Variants in LAMA2 observed in about 807,000 individuals in gnomAD.
LAMA2 encodes the protein laminin subunit alpha-2.
Under a neutral mutation model 364.8 loss-of-function variants are expected in LAMA2, and 269 were observed. The ratio of observed to expected loss-of-function variants is 0.74; its 90% CI spans 0.67 to 0.82. The LOEUF (loss-of-function observed/expected upper bound fraction) is 0.82, where lower values mean the gene tolerates loss of function less well. Ranked by LOEUF, LAMA2 falls within the 40% of genes least tolerant of loss-of-function variation. The pLI, the probability that LAMA2 is intolerant of heterozygous loss-of-function variation, is 0.00. For missense variants in LAMA2, 3,807 were observed against 3,873.2 expected, an observed-to-expected ratio of 0.98 and a Z score of 0.45; for synonymous variants, 1,379 against 1,370.6, an observed-to-expected ratio of 1.01 and a Z score of -0.14.
At chr6:129,024,019 A>G (rs1467793693) in intron 1 of LAMA2, among the ~76,000 whole-genome samples, 1 of 152,168 alleles carries the variant, frequency 6.6e-6, no homozygotes, top group African/African-American at 2.4e-5. Flanking sequence ...TGACCAAATG[A>G]TTACTGAGAC....
At chr6:129,497,039 C>T (rs1192699690) in intron 58 of LAMA2, among the ~76,000 whole-genome samples, 1 of 151,968 alleles carries the variant, frequency 6.6e-6, no homozygotes, top group Non-Finnish European at 1.5e-5. Flanking sequence ...CTTAATTATT[C>T]TAGTTAGTTT....
At chr6:129,313,942 T>TA (rs1774390295) in intron 23 of LAMA2, among the ~76,000 whole-genome samples, 1 of 152,242 alleles carries the variant, frequency 6.6e-6, no homozygotes, top group South Asian at 2.1e-4. Context: ...GTATATATAT[T>TA]ACAATAATTA....
At position 129,464,205 on chromosome 6, in the gene LAMA2, A is replaced by G. The variant is rs1038824982; in HGVS notation, c.6993-85A>G. 5.1e-6 allele frequency: 6 copies of G among 1,165,270 alleles called. No individual in the cohort carries two copies. In the African/African-American group the frequency reaches 7.6e-5, roughly 15 times the overall value. 72.2% of individuals were successfully genotyped at this position (1,165,270 alleles called of 1,614,324 possible). ...TATTTCCTGCCCTACAACAGCCTAT[A>G]GTCTCATTGCTATTCAGTGATGCAT... On this transcript the variant is annotated intron_variant, in intron 49 of 64. Coordinates refer to ENST00000421865, the MANE Select transcript of LAMA2 (RefSeq NM_000426.4).
Position 129,486,760 on chromosome 6 carries a change from C to T in LAMA2, c.7898+138C>T. On this transcript the variant is annotated intron_variant, in intron 56 of 64. Coordinates refer to ENST00000421865, the MANE Select transcript of LAMA2 (RefSeq NM_000426.4). ...TGCAAAAGGATACCGTAGCTTAATTCCCTCTTCTTTACTTTTCATACTTCG... is the reference window on the plus strand; with the variant it reads ...TGCAAAAGGATACCGTAGCTTAATTTCCTCTTCTTTACTTTTCATACTTCG... 1.3e-5 allele frequency: 11 copies of T among 829,466 alleles called. No homozygotes were observed. The South Asian group carries it at 1.6e-4, about 12-fold the overall frequency. 51.4% of individuals were successfully genotyped at this position (829,466 alleles called of 1,614,324 possible).
At chr6:129,168,850 G>A in intron 9 of LAMA2, among the ~76,000 whole-genome samples, 1 of 143,536 alleles carries the variant, frequency 7.0e-6, no homozygotes, top group Non-Finnish European at 1.5e-5. Flanking sequence ...TTGAGCAGTG[G>A]TTTGTAGTTC....
intron 58 of LAMA2, 69 bp downstream of exon 58, chr6:129,492,552 G>C (rs146097890): frequency 2.2e-6 from 3 of 1,342,976 alleles, no homozygotes; most frequent in African/African-American, 1.4e-5. Context: ...TCAGAAGGAA[G>C]ATTATTCAGG....
intron 2 of LAMA2, among the ~76,000 whole-genome samples, chr6:129,058,895 T>C (rs1034566387): frequency 1.3e-5 from 2 of 152,274 alleles, no homozygotes; most frequent in African/African-American, 4.8e-5. Context: ...GGGGAAAATA[T>C]GGCAATTTGG....
chr6:129,349,991 T>A (rs553195391), intron 31 of LAMA2, among the ~76,000 whole-genome samples: 25 of 152,316 alleles, frequency 1.6e-4, no homozygotes, highest in Middle Eastern at 6.8e-3. Flanking sequence ...ATACAGCTGT[T>A]AAATTGAATT....
intron 4 of LAMA2, among the ~76,000 whole-genome samples, chr6:129,115,176 A>G (rs568240289): frequency 2.0e-5 from 3 of 152,218 alleles, no homozygotes; most frequent in African/African-American, 7.2e-5. Flanking sequence ...TGCATTAATT[A>G]CTCAAGCCAG....
chr6:128,946,542 G>A (rs1217697733), intron 1 of LAMA2, among the ~76,000 whole-genome samples: 1 of 152,076 alleles, frequency 6.6e-6, no homozygotes, highest in East Asian at 1.9e-4. Context: ...TATTGCTTTG[G>A]CACTATCACA....
intron 29 of LAMA2, among the ~76,000 whole-genome samples, chr6:129,340,051 G>A (rs1776174927): frequency 2.0e-5 from 3 of 151,684 alleles, no homozygotes; most frequent in African/African-American, 7.3e-5. Context: ...CATGGGAAGA[G>A]AGTATCCAGA....
chr6:129,177,890 T>A (rs1780705111), intron 10 of LAMA2, 24 bp downstream of exon 10: 2 of 1,609,576 alleles, frequency 1.2e-6, no homozygotes, highest in Non-Finnish European at 8.5e-7. Flanking sequence ...TCCAGTAATG[T>A]CCCACTGTCA....
At chr6:129,441,622 A>C (rs1782119271) in intron 43 of LAMA2, among the ~76,000 whole-genome samples, 1 of 152,126 alleles carries the variant, frequency 6.6e-6, no homozygotes, top group Non-Finnish European at 1.5e-5. Context: ...TTATATTATT[A>C]GTTAAATATA....
At chr6:129,486,324 G>C (rs1386388184) in intron 55 of LAMA2, 150 bp from the exon 56 acceptor site, 1 of 744,530 alleles carries the variant, frequency 1.3e-6, no homozygotes, top group Non-Finnish European at 2.3e-6. Context: ...GATATTTCCA[G>C]CTGTTTTCAA....
At chr6:129,032,568 T>C (rs1309430730) in intron 1 of LAMA2, among the ~76,000 whole-genome samples, 1 of 152,192 alleles carries the variant, frequency 6.6e-6, no homozygotes, top group African/African-American at 2.4e-5. Context: ...GATAATCATT[T>C]TGAATTTTAA....
At chr6:129,327,671 G>T (rs12206166) in intron 28 of LAMA2, among the ~76,000 whole-genome samples, 21,686 of 152,094 alleles carry the variant, frequency 0.14, 2,023 homozygotes, top group East Asian at 0.44. Flanking sequence ...GCATATGTCA[G>T]CTTCACTAGA....
chr6:129,051,676 A>G (rs1251308530), intron 2 of LAMA2, among the ~76,000 whole-genome samples: 1 of 39,334 alleles, frequency 2.5e-5, no homozygotes, highest in African/African-American at 2.1e-4. Flanking sequence ...ATCGATCTAT[A>G]GATATCTATA....
chr6:129,481,324 A>G lies in LAMA2; in HGVS notation c.7634A>G (p.Asp2545Gly). Residue 2545 changes from aspartate to glycine, a missense_variant, in exon 55 of 65, where the codon GAT becomes GGT. Physicochemically the swap from Asp to Gly is moderately conservative, Grantham distance 94. Coordinates refer to ENST00000421865, the MANE Select transcript of LAMA2 (RefSeq NM_000426.4). ...GTGGAGCTCTCCCCTGTGCCAATTG[A>G]TGTAGGAACAGAAATCAACCTGTCA... ...GFVELSPVPI[D>G]VGTEINLSFS... 6.2e-7 allele frequency: 1 copy of G among 1,613,698 alleles called. No individual in the cohort carries two copies. The highest frequency in any genetic ancestry group is 8.5e-7 in the Non-Finnish European group (1 of 1,179,718).
At chr6:129,331,517 T>C (rs1775651331) in intron 29 of LAMA2, among the ~76,000 whole-genome samples, 1 of 152,118 alleles carries the variant, frequency 6.6e-6, no homozygotes. Context: ...CCAATTATTA[T>C]GACTCTTTTC....
Sources: allele counts gnomAD v4.1 joint callset (sites outside exome capture counted in the v4.1 genomes callset), GRCh38; gene constraint gnomAD v4.1.1; transcripts MANE v1.5; gene names NCBI Gene and HGNC (gene_info 2026-07-23, HGNC 2026-07-21).